Variants in KIF16B observed in about 807,000 individuals in gnomAD.
The protein encoded by KIF16B is kinesin-like protein KIF16B.
Under a neutral mutation model 156.3 loss-of-function variants are expected in KIF16B, and 98 were observed. The ratio of observed to expected loss-of-function variants is 0.63; its 90% CI spans 0.53 to 0.74. KIF16B has a LOEUF of 0.74. KIF16B is among the 30% of genes least tolerant of loss of function. The pLI, the probability that KIF16B is intolerant of heterozygous loss-of-function variation, is 0.00. For synonymous variants in KIF16B, 564 were observed against 583.7 expected, an observed-to-expected ratio of 0.97 and a Z score of 0.49; for missense variants, 1,421 against 1,606.5, an observed-to-expected ratio of 0.88 and a Z score of 1.97.
chr20:16,483,471 C>T (rs1470828143), intron 12 of KIF16B, among the ~76,000 whole-genome samples: 1 of 152,030 alleles, frequency 6.6e-6, no homozygotes, highest in Non-Finnish European at 1.5e-5. Context: ...TCTTTTCTGC[C>T]CAGCTGAGAA....
intron 1 of KIF16B, among the ~76,000 whole-genome samples, chr20:16,548,321 G>A (rs1328394807): frequency 1.3e-5 from 2 of 152,082 alleles, no homozygotes; most frequent in Admixed American, 6.5e-5. Context: ...ACAGACACAC[G>A]TCACCATTCA....
chr20:16,299,541 T>A (rs909603007), intron 25 of KIF16B, among the ~76,000 whole-genome samples: 1 of 152,152 alleles, frequency 6.6e-6, no homozygotes, highest in Non-Finnish European at 1.5e-5. Context: ...TATTAACACA[T>A]CCAACACTCT....
chr20:16,430,970 AC>A (rs1051560494), intron 12 of KIF16B, among the ~76,000 whole-genome samples: 2 of 151,734 alleles, frequency 1.3e-5, no homozygotes, highest in Admixed American at 1.3e-4. Flanking sequence ...AACAAAAAAA[AC>A]CTTGATTCTC....
At chr20:16,281,608 T>C (rs1440829905) in intron 25 of KIF16B, among the ~76,000 whole-genome samples, 1 of 152,200 alleles carries the variant, frequency 6.6e-6, no homozygotes, top group Non-Finnish European at 1.5e-5. Context: ...CTGGGTCAAA[T>C]AGGCTGGGTT....
chr20:16,314,994 C>T (rs985572692), intron 24 of KIF16B, among the ~76,000 whole-genome samples: 2 of 152,144 alleles, frequency 1.3e-5, no homozygotes, highest in South Asian at 2.1e-4. Context: ...GGCAAGCATG[C>T]TTTCACAGTT....
intron 12 of KIF16B, among the ~76,000 whole-genome samples, chr20:16,493,359 A>G (rs1237004494): frequency 6.6e-6 from 1 of 152,218 alleles, no homozygotes; most frequent in Non-Finnish European, 1.5e-5. Context: ...TGCAGAACTC[A>G]CCTGCAAATC....
intron 23 of KIF16B, among the ~76,000 whole-genome samples, chr20:16,345,456 G>A (rs2064215016): frequency 6.6e-6 from 1 of 152,196 alleles, no homozygotes; most frequent in South Asian, 2.1e-4. Flanking sequence ...AGTGTGACCT[G>A]CATTATAGTC....
At chr20:16,367,873 C>T in intron 22 of KIF16B, 1 of 1,550,770 alleles carries the variant, frequency 6.4e-7, no homozygotes, top group Admixed American at 1.9e-5. Context: ...GAGCAGAAGA[C>T]CCTCTGCAGA....
rs938444050 is a variant in KIF16B, at chr20:16,430,356, G to A, written c.1303-374C>T. The stretch of plus-strand genomic sequence containing the variant: ...ATGGCTTTTCTCTCTACTTACCATG[G>A]TTGAACTGTGCATGGTCCTGAGAAG... On this transcript the variant is annotated intron_variant, in intron 12 of 25. Transcript: ENST00000354981. Among the ~76,000 whole-genome samples, 5 of 152,154 alleles carry A rather than the reference G, an allele frequency of 3.3e-5. No individual in the cohort carries two copies. The South Asian group carries it at 1.0e-3, about 32-fold the overall frequency.
intron 23 of KIF16B, among the ~76,000 whole-genome samples, chr20:16,347,022 G>A (rs541974883): frequency 2.5e-4 from 38 of 152,192 alleles, no homozygotes; most frequent in Admixed American, 3.3e-4. Flanking sequence ...CTTATTAGTC[G>A]TGTGATTTTG....
At chr20:16,472,521 A>G (rs1187757331) in intron 12 of KIF16B, among the ~76,000 whole-genome samples, 1 of 145,968 alleles carries the variant, frequency 6.9e-6, no homozygotes, top group Non-Finnish European at 1.5e-5. Flanking sequence ...CTGTACTGGT[A>G]TAAAGGTAAA....
intron 23 of KIF16B, among the ~76,000 whole-genome samples, chr20:16,349,242 T>C (rs1032373209): frequency 6.6e-6 from 1 of 152,216 alleles, no homozygotes; most frequent in African/African-American, 2.4e-5. Flanking sequence ...AGGGGTCAGA[T>C]AGAACACCCG....
At chr20:16,443,519 C>T (rs949808367) in intron 12 of KIF16B, among the ~76,000 whole-genome samples, 14 of 152,140 alleles carry the variant, frequency 9.2e-5, no homozygotes, top group South Asian at 2.1e-4. Flanking sequence ...TTTACATGAA[C>T]GCCAGCTCCA....
intron 12 of KIF16B, among the ~76,000 whole-genome samples, chr20:16,452,198 A>T (rs1208100052): frequency 6.6e-6 from 1 of 152,158 alleles, no homozygotes; most frequent in South Asian, 2.1e-4. Flanking sequence ...AGAAAAGCAG[A>T]CAGAAACGTC....
intron 6 of KIF16B, among the ~76,000 whole-genome samples, chr20:16,510,894 C>T (rs1173489969): frequency 6.6e-6 from 1 of 152,290 alleles, no homozygotes; most frequent in East Asian, 1.9e-4. Flanking sequence ...TTAAATCCAG[C>T]CGATTCTTAA....
At chr20:16,307,729 T>C (rs1416455871) in intron 25 of KIF16B, among the ~76,000 whole-genome samples, 2 of 152,222 alleles carry the variant, frequency 1.3e-5, no homozygotes, top group Non-Finnish European at 2.9e-5. Flanking sequence ...TAATTAATTG[T>C]CATTCATTGT....
At chr20:16,420,895 T>C (rs1194932841) in intron 15 of KIF16B, among the ~76,000 whole-genome samples, 1 of 152,122 alleles carries the variant, frequency 6.6e-6, no homozygotes, top group African/African-American at 2.4e-5. Flanking sequence ...GCTGCAGGTA[T>C]GACCTAACCT....
intron 24 of KIF16B, among the ~76,000 whole-genome samples, chr20:16,333,191 C>A (rs1181680464): frequency 6.6e-6 from 1 of 152,154 alleles, no homozygotes; most frequent in African/African-American, 2.4e-5. Context: ...GGCCTTTGCA[C>A]TTGCTCTTCC....
intron 12 of KIF16B, among the ~76,000 whole-genome samples, chr20:16,472,610 G>T (rs1378750160): frequency 6.8e-6 from 1 of 147,046 alleles, no homozygotes; most frequent in East Asian, 2.0e-4. Flanking sequence ...GGAACAGAGA[G>T]ACTCCCACAC....
Sources: allele counts gnomAD v4.1 joint callset (sites outside exome capture counted in the v4.1 genomes callset), GRCh38; gene constraint gnomAD v4.1.1; transcripts MANE v1.5; gene names NCBI Gene and HGNC (gene_info 2026-07-23, HGNC 2026-07-21).